KATNAL2: variants seen among roughly 807,000 people sequenced by gnomAD.
KATNAL2 encodes the protein katanin p60 ATPase-containing subunit A-like 2.
In KATNAL2, 52 loss-of-function variants were observed where a neutral mutation model predicts 76.3. That is an observed-to-expected ratio of 0.68 (90% CI 0.55 to 0.86). The LOEUF (loss-of-function observed/expected upper bound fraction) is 0.86. KATNAL2 is among the 40% of genes least tolerant of loss of function. The pLI, the probability that KATNAL2 is intolerant of heterozygous loss-of-function variation, is 0.00. For missense variants in KATNAL2, 660 were observed against 668.9 expected, an observed-to-expected ratio of 0.99 and a Z score of 0.15; for synonymous variants, 243 against 244.2, an observed-to-expected ratio of 1.00 and a Z score of 0.05.
intron 9 of KATNAL2, 63 bp from the exon 10 acceptor site, chr18:47,063,221 C>G (rs937863202): frequency 1.3e-6 from 2 of 1,546,148 alleles, no homozygotes; most frequent in African/African-American, 2.7e-5. Context: ...TGTGCATGCC[C>G]GGGGTTTCTT....
intron 1 of KATNAL2, chr18:46,920,179 G>T (rs2058459052): frequency 2.8e-6 from 2 of 727,268 alleles, no homozygotes; most frequent in Non-Finnish European, 4.2e-6. Context: ...CCCTAGACTG[G>T]CCTGAGTCAT....
intron 3 of KATNAL2, among the ~76,000 whole-genome samples, chr18:46,957,587 A>G (rs1599463865): frequency 1.4e-5 from 1 of 71,848 alleles, no homozygotes; most frequent in Non-Finnish European, 2.5e-5. Flanking sequence ...TTTGAGACAG[A>G]GTTTCACTCT....
intron 1 of KATNAL2, among the ~76,000 whole-genome samples, chr18:46,932,673 C>CAAAA (rs1162695359): frequency 5.1e-4 from 22 of 42,844 alleles, no homozygotes; most frequent in African/African-American, 9.9e-4. Flanking sequence ...GACTCTGTCT[C>CAAAA]AAAAAAAAAA....
chr18:47,052,175 T>G (rs1473872585), intron 4 of KATNAL2, among the ~76,000 whole-genome samples: 1 of 152,214 alleles, frequency 6.6e-6, no homozygotes, highest in Non-Finnish European at 1.5e-5. Context: ...ACACAGCCCT[T>G]GCTTCCAGTG....
At chr18:46,920,262 A>C in intron 1 of KATNAL2, 1 of 387,534 alleles carries the variant, frequency 2.6e-6, no homozygotes, top group Non-Finnish European at 5.2e-6. Context: ...AGTACTGAGC[A>C]TTTATAGGCT....
chr18:47,082,111 C>T (rs2062553059), intron 15 of KATNAL2, among the ~76,000 whole-genome samples: 1 of 152,148 alleles, frequency 6.6e-6, no homozygotes, highest in South Asian at 2.1e-4. Flanking sequence ...AGTAATAACA[C>T]CAATACTATC....
intron 15 of KATNAL2, chr18:47,098,808 C>G (rs62096462): frequency 0.1 from 16,297 of 162,250 alleles, 913 homozygotes; most frequent in East Asian, 0.13. Context: ...GAGTGCCCAA[C>G]TTATTGTCAG....
At chr18:46,936,457 G>A (rs1289790792) in intron 1 of KATNAL2, among the ~76,000 whole-genome samples, 1 of 151,894 alleles carries the variant, frequency 6.6e-6, no homozygotes, top group Non-Finnish European at 1.5e-5. Flanking sequence ...TAACCTGGGG[G>A]TGCTGGGCAT....
At chr18:46,957,395 C>T (rs1451349315) in intron 3 of KATNAL2, among the ~76,000 whole-genome samples, 1 of 151,258 alleles carries the variant, frequency 6.6e-6, no homozygotes, top group East Asian at 2.0e-4. Context: ...GCTGGGACTA[C>T]AGGCGCCCGC....
intron 3 of KATNAL2, among the ~76,000 whole-genome samples, chr18:46,958,221 C>T (rs1484775735): frequency 1.3e-5 from 2 of 152,080 alleles, no homozygotes; most frequent in African/African-American, 4.8e-5. Flanking sequence ...ACCATCTACT[C>T]TCCTGGTTCG....
chr18:47,086,685 A>C (rs1212549348), intron 15 of KATNAL2, among the ~76,000 whole-genome samples: 1 of 152,152 alleles, frequency 6.6e-6, no homozygotes, highest in Non-Finnish European at 1.5e-5. Context: ...TTACTTACAT[A>C]CAACACTTCA....
intron 15 of KATNAL2, among the ~76,000 whole-genome samples, chr18:47,090,544 A>C (rs2147358528): frequency 6.6e-6 from 1 of 152,300 alleles, no homozygotes; most frequent in South Asian, 2.1e-4. Flanking sequence ...TTAGAAAATA[A>C]ATGACTATGA....
In KATNAL2 at chr18:47,099,360, G is replaced by A. The variant is rs748850189; in HGVS notation, c.1329G>A (p.Arg443=). Reference sequence around the variant, plus strand: ...GGCTGCCTCCTGTGAGCAAGAGCAGGGCCTTGGAGCTGCACACAGAGCTGG... The same window carrying A: ...GGCTGCCTCCTGTGAGCAAGAGCAGAGCCTTGGAGCTGCACACAGAGCTGG... ...YHWLPPVSKS[R]ALELHTELEY... is the part of the protein sequence containing the mutation. The change falls in exon 16 of 18, where the codon AGG becomes AGA. Residue 443 remains arginine, a synonymous_variant. Coordinates refer to ENST00000683218, the MANE Select transcript of KATNAL2 (RefSeq NM_001387690.1). 32 of 1,613,908 alleles carry A rather than the reference G, an allele frequency of 2.0e-5. No homozygotes were observed. Among genetic ancestry groups the A allele is most frequent in the Non-Finnish European group, 1.4e-5 (17 of 1,179,946 alleles).
chr18:46,918,029 G>GCA (rs1198111084), intron 1 of KATNAL2, 103 bp downstream of exon 1: 1 of 151,992 alleles, frequency 6.6e-6, no homozygotes, highest in Non-Finnish European at 1.5e-5. Context: ...ACCTTGAAGG[G>GCA]CACCTGAAGG....
At position 47,074,318 on chromosome 18, in the gene KATNAL2, T is replaced by C. The variant is rs576831994; in HGVS notation, c.1009-959T>C. 2.6e-5 allele frequency among the ~76,000 whole-genome samples: 4 copies of C among 152,312 alleles called. No homozygotes were observed. The East Asian group carries it at 7.7e-4, about 29-fold the overall frequency. ...TCCTGTTCAGTGACAGGGAGACCTG[T>C]AAGGGATGAGCTGCTGCTGCTCGTG... On this transcript the variant is annotated intron_variant, in intron 13 of 17. Coordinates refer to ENST00000683218, the MANE Select transcript of KATNAL2 (RefSeq NM_001387690.1).
At position 46,920,108 on chromosome 18, in the gene KATNAL2, C is replaced by G. The variant is rs568303980; in HGVS notation, c.-510+2182C>G. The G allele has an allele frequency of 3.5e-4, 457 of 1,289,240 alleles. 1 individual carries two copies. Among genetic ancestry groups the G allele is most frequent in the Middle Eastern group, 3.0e-3 (14 of 4,696 alleles). 79.9% of individuals were successfully genotyped at this position (1,289,240 alleles called of 1,614,324 possible). On this transcript the variant is annotated intron_variant, in intron 1 of 17. Transcript: ENST00000683218. ...CCCAGCATTCATTCTGCCCCTTCCT[C>G]AATGTGTAGCAGCTCCTGGATGGGT...
Position 47,084,847 on chromosome 18 carries a change from T to TTAAAAAA in KATNAL2, c.1211+7386_1211+7387insTAAAAAA, listed in dbSNP as rs2062698751. On this transcript the variant is annotated intron_variant, in intron 15 of 17. Coordinates refer to ENST00000683218, the MANE Select transcript of KATNAL2 (RefSeq NM_001387690.1). Reference sequence around the variant, plus strand: ...CTGGATGACAGAGCAAGACTCTGTCTAAAAAAAAAAAAAAAAAAAAAAAAA... The same window carrying TTAAAAAA: ...CTGGATGACAGAGCAAGACTCTGTCTTAAAAAAAAAAAAAAAAAAAAAAAAAAAAAAA... 1.6e-4 allele frequency among the ~76,000 whole-genome samples: 4 copies of TTAAAAAA among 25,534 alleles called. No homozygotes were observed. In the Admixed American group the frequency reaches 2.0e-3, roughly 13 times the overall value. The allele number at this position is 25,534 out of a possible 152,430, so 16.8% of individuals were successfully genotyped here. A position where few individuals can be genotyped will look rare whatever the true frequency, so the allele number is the denominator to read the frequency against.
intron 15 of KATNAL2, among the ~76,000 whole-genome samples, chr18:47,088,980 T>C (rs2062888665): frequency 6.6e-6 from 1 of 152,212 alleles, no homozygotes; most frequent in African/African-American, 2.4e-5. Context: ...CTTCCATTGC[T>C]AGTGGGGAGA....
intron 15 of KATNAL2, among the ~76,000 whole-genome samples, chr18:47,085,783 CAAATAAAT>C (rs750372693): frequency 2.6e-5 from 4 of 151,754 alleles, no homozygotes; most frequent in Non-Finnish European, 2.9e-5. Flanking sequence ...TTTTTTATTG[CAAATAAAT>C]AAATAAATAA....
Sources: allele counts gnomAD v4.1 joint callset (sites outside exome capture counted in the v4.1 genomes callset), GRCh38; gene constraint gnomAD v4.1.1; transcripts MANE v1.5; gene names NCBI Gene and HGNC (gene_info 2026-07-23, HGNC 2026-07-21).